SLC25A12: variants seen among roughly 807,000 people sequenced by gnomAD.
The protein encoded by SLC25A12 is solute carrier family 25 member 12, also known as electrogenic aspartate/glutamate antiporter SLC25A12, mitochondrial.
In SLC25A12, 32 loss-of-function variants were observed where a neutral mutation model predicts 83.3. The observed-to-expected ratio is 0.38, with a 90% CI of 0.29 to 0.52. The LOEUF is 0.52. SLC25A12 is among the 20% of genes least tolerant of loss of function. SLC25A12 has a pLI of 0.84. For synonymous variants in SLC25A12, 267 were observed against 291.1 expected (o/e 0.92, Z 0.84); for missense variants, 611 against 835.6 (o/e 0.73, Z 3.31).
chr2:171,785,457 T>C lies in SLC25A12; in HGVS notation c.1854A>G (p.Glu618=). The change falls in exon 18 of 18, where the codon GAA becomes GAG. Residue 618 remains glutamate, a synonymous_variant. Transcript: ENST00000422440. ...CTGCAATGCGTGACTTAGGTGTTGG[T>C]TCTGAACCAGCGGGTTTGCTGTTGA... is the stretch of plus-strand genomic sequence containing the variant. ...DFGGLKPAGS[E]PTPKSRIADL... 1.2e-6 allele frequency: 2 copies of C among 1,614,168 alleles called. No homozygotes were observed. The highest frequency in any genetic ancestry group is 1.7e-6 in the Non-Finnish European group (2 of 1,180,032).
chr2:171,885,477 C>T (rs1369409747), intron 2 of SLC25A12, among the ~76,000 whole-genome samples: 4 of 151,680 alleles, frequency 2.6e-5, no homozygotes, highest in Non-Finnish European at 4.4e-5. Context: ...GTCAGGAGTT[C>T]GAGACCAGCC....
chr2:171,885,049 T>A (rs1284769012), intron 2 of SLC25A12, among the ~76,000 whole-genome samples: 1 of 151,084 alleles, frequency 6.6e-6, no homozygotes, highest in Non-Finnish European at 1.5e-5. Context: ...CTGTCTCTAC[T>A]AAAAATACAA....
intron 4 of SLC25A12, among the ~76,000 whole-genome samples, chr2:171,851,132 A>G (rs149687421): frequency 5.3e-5 from 8 of 152,246 alleles, no homozygotes; most frequent in Non-Finnish European, 8.8e-5. Context: ...AACTCAGAAC[A>G]TATAACATGT....
intron 13 of SLC25A12, among the ~76,000 whole-genome samples, chr2:171,799,826 T>C (rs1683673274): frequency 6.6e-6 from 1 of 152,224 alleles, no homozygotes; most frequent in South Asian, 2.1e-4. Context: ...TGTGTTCGCA[T>C]AGGGTTGTGA....
At chr2:171,846,740 A>C (rs1330873727) in intron 4 of SLC25A12, among the ~76,000 whole-genome samples, 3 of 152,182 alleles carry the variant, frequency 2.0e-5, no homozygotes, top group Non-Finnish European at 4.4e-5. Flanking sequence ...CGGGAGGCGG[A>C]GGTTGCAGTG....
At chr2:171,836,158 G>A (rs966895816) in intron 6 of SLC25A12, among the ~76,000 whole-genome samples, 1 of 148,540 alleles carries the variant, frequency 6.7e-6, no homozygotes, top group African/African-American at 2.4e-5. Flanking sequence ...GCAGGGGAGT[G>A]GGGGATGGTG....
Position 171,819,151 on chromosome 2 carries a change from AT to A in SLC25A12, c.931-3950del, listed in dbSNP as rs537809131. Among the ~76,000 whole-genome samples, 1,341 of 134,616 alleles carry A rather than the reference AT, an allele frequency of 1.0e-2. 21 individuals are homozygous for A. The highest frequency in any genetic ancestry group is 0.036 in the African/African-American group (1,268 of 35,468). 88.3% of individuals were successfully genotyped at this position (134,616 alleles called of 152,430 possible). A position where few individuals can be genotyped will look rare whatever the true frequency, so the allele number is the denominator to read the frequency against. On this transcript the variant is annotated intron_variant, in intron 9 of 17. Coordinates refer to ENST00000422440, the MANE Select transcript of SLC25A12 (RefSeq NM_003705.5). Reference sequence around the variant, plus strand: ...AATACATATTATATATAAATATAAAATATATGATATATAATACGTATTATAT... The same window carrying A: ...AATACATATTATATATAAATATAAAAATATGATATATAATACGTATTATAT...
intron 13 of SLC25A12, among the ~76,000 whole-genome samples, chr2:171,805,109 T>G (rs1683796755): frequency 1.5e-5 from 1 of 68,170 alleles, no homozygotes; most frequent in South Asian, 6.4e-4. Flanking sequence ...TTTGTTTTGT[T>G]TTTTGTTTTT....
At chr2:171,808,553 GT>G (rs1268163322) in intron 13 of SLC25A12, among the ~76,000 whole-genome samples, 1 of 152,140 alleles carries the variant, frequency 6.6e-6, no homozygotes, top group Non-Finnish European at 1.5e-5. Context: ...TAAAGTTCCA[GT>G]TAACATATAT....
chr2:171,894,236 C>CGAGCGAGT lies in SLC25A12; in HGVS notation c.-30_-23dup, dbSNP rs1374712087. ...CCATGCTGTGCTCGGAAGCCGGGGA[C>CGAGCGAGT]GAGCGAGTGAGCGAGCAGGGCCGAG... On this transcript the variant is annotated 5_prime_UTR_variant, in exon 1 of 18. Transcript: ENST00000422440. The CGAGCGAGT allele has an allele frequency of 3.1e-6, 5 of 1,607,818 alleles. No homozygotes were observed. The highest frequency in any genetic ancestry group is 4.2e-6 in the Non-Finnish European group (5 of 1,177,212).
At chr2:171,820,000 A>G (rs1203005284) in intron 9 of SLC25A12, among the ~76,000 whole-genome samples, 2 of 152,336 alleles carry the variant, frequency 1.3e-5, no homozygotes, top group East Asian at 1.9e-4. Context: ...GTTCTCACTT[A>G]TAAGTGGGAG....
intron 8 of SLC25A12, among the ~76,000 whole-genome samples, chr2:171,830,965 G>A (rs1684418274): frequency 6.6e-6 from 1 of 152,358 alleles, no homozygotes; most frequent in African/African-American, 2.4e-5. Context: ...ATGAAACCCA[G>A]GTTGTAAGCT....
intron 2 of SLC25A12, among the ~76,000 whole-genome samples, chr2:171,876,764 G>C (rs999588386): frequency 1.3e-5 from 2 of 152,106 alleles, no homozygotes; most frequent in Non-Finnish European, 2.9e-5. Flanking sequence ...GTTTTCAAAG[G>C]ATGAACTAAA....
chr2:171,866,756 G>C, intron 3 of SLC25A12, among the ~76,000 whole-genome samples: 2 of 136,400 alleles, frequency 1.5e-5, no homozygotes, highest in Non-Finnish European at 1.6e-5. Context: ...GGCTGGCCGG[G>C]TGGGGGGCTG....
Position 171,785,160 on chromosome 2 carries a change from A to T in SLC25A12, c.*114T>A, listed in dbSNP as rs561549863. ...TATGTATATGTCATACAGAAAGAAG[A>T]GTTTGACTCCTCAGCTCAGTCAGTA... is the stretch of plus-strand genomic sequence containing the variant. On this transcript the variant is annotated 3_prime_UTR_variant, in exon 18 of 18. Transcript: ENST00000422440. 3 of 916,528 alleles carry T rather than the reference A, an allele frequency of 3.3e-6. No individual in the cohort carries two copies. The highest frequency in any genetic ancestry group is 2.8e-5 in the South Asian group (2 of 72,656). The allele number at this position is 916,528 out of a possible 1,614,324, so 56.8% of individuals were successfully genotyped here.
chr2:171,815,569 AT>A (rs944812533), intron 9 of SLC25A12, among the ~76,000 whole-genome samples: 3 of 152,124 alleles, frequency 2.0e-5, no homozygotes, highest in African/African-American at 4.8e-5. Flanking sequence ...CAGTTATAAA[AT>A]TTTTTTCCTT....
intron 13 of SLC25A12, among the ~76,000 whole-genome samples, chr2:171,800,281 T>C (rs1312465479): frequency 6.6e-6 from 1 of 151,682 alleles, no homozygotes; most frequent in East Asian, 1.9e-4. Context: ...GTAAAAAATA[T>C]GAAACCTAAT....
At chr2:171,851,675 C>T (rs1005477007) in intron 4 of SLC25A12, among the ~76,000 whole-genome samples, 1 of 151,710 alleles carries the variant, frequency 6.6e-6, no homozygotes, top group Non-Finnish European at 1.5e-5. Flanking sequence ...GCTGGGACTA[C>T]AGGCATGTGC....
Position 171,785,397 on chromosome 2 carries a change from T to A in SLC25A12, c.1914A>T (p.Gly638=). The stretch of plus-strand genomic sequence containing the variant: ...CAAACGTGGCTGTGGCGAGTCTGTA[T>A]CCACCGATGTGATCAGGGTTGGCAG... The part of the protein sequence containing the change: ...LPPANPDHIG[G]YRLATATFAG... The change falls in exon 18 of 18, where the codon GGA becomes GGT. Residue 638 remains glycine, a synonymous_variant. Transcript: ENST00000422440. 6.2e-7 allele frequency: 1 copy of A among 1,614,180 alleles called. No individual in the cohort carries two copies. The highest frequency in any genetic ancestry group is 8.5e-7 in the Non-Finnish European group (1 of 1,180,028).
Sources: allele counts gnomAD v4.1 joint callset (sites outside exome capture counted in the v4.1 genomes callset), GRCh38; gene constraint gnomAD v4.1.1; transcripts MANE v1.5; gene names NCBI Gene and HGNC (gene_info 2026-07-23, HGNC 2026-07-21).